TXNRD3: variants seen among roughly 807,000 people sequenced by gnomAD.
TXNRD3 encodes the protein TXNRD3 neighbor gene protein.
A neutral mutation model predicts 78.2 loss-of-function variants in TXNRD3; 68 were observed. The ratio of observed to expected loss-of-function variants is 0.87; its 90% confidence interval spans 0.72 to 1.06. TXNRD3 has a LOEUF of 1.06. TXNRD3 is among the 50% of genes least tolerant of loss of function. The pLI is 0.00. For missense variants in TXNRD3, 751 were observed against 809.5 expected (o/e 0.93, Z 0.88); for synonymous variants, 296 against 300.1 (o/e 0.99, Z 0.14).
intron 14 of TXNRD3, among the ~76,000 whole-genome samples, chr3:126,610,211 C>A (rs1334089681): frequency 2.0e-5 from 3 of 152,176 alleles, no homozygotes; most frequent in African/African-American, 7.2e-5. Context: ...AAGATAAATA[C>A]AGAGATGTGA....
intron 8 of TXNRD3, 52 bp from the exon 9 acceptor site, chr3:126,630,989 G>T: frequency 6.8e-7 from 1 of 1,475,526 alleles, no homozygotes; most frequent in East Asian, 2.5e-5. Context: ...AATGAAATGA[G>T]TTATTCATGT....
rs749154065 is a variant in TXNRD3 at position 126,608,484 on chromosome 3, C to A, written c.1863+15G>T. On this transcript the variant is annotated intron_variant, in intron 15 of 15. Coordinates refer to ENST00000524230, the MANE Select transcript of TXNRD3 (RefSeq NM_052883.3). ...CATCAACTGAAGCCAATTTTTAAAACCTCCTGTTTCCTACCTCCCCACATG... is the reference window on the plus strand; with the variant it reads ...CATCAACTGAAGCCAATTTTTAAAAACTCCTGTTTCCTACCTCCCCACATG... 6.6e-7 allele frequency: 1 copy of A among 1,513,434 alleles called. No homozygotes were observed. The allele number at this position is 1,513,434 out of a possible 1,614,324, so 93.8% of individuals were successfully genotyped here.
At position 126,653,609 on chromosome 3, in the gene TXNRD3, T is replaced by C. The variant is rs371660429; in HGVS notation, c.243+1139A>G. Among the ~76,000 whole-genome samples the C allele has an allele frequency of 1.1e-3, 170 of 152,366 alleles. 1 individual carries two copies. Among genetic ancestry groups the C allele is most frequent in the South Asian group, 3.1e-3 (15 of 4,834 alleles). Reference sequence around the variant, plus strand: ...TGTTCCAAACTAGGAGCAGAGTAAATTGGTATCACTACTTGGAAACTCAGT... The same window carrying C: ...TGTTCCAAACTAGGAGCAGAGTAAACTGGTATCACTACTTGGAAACTCAGT... On this transcript the variant is annotated intron_variant, in intron 1 of 15. Transcript: ENST00000524230.
At chr3:126,634,119 C>T (rs1034527733) in intron 6 of TXNRD3, 68 bp from the exon 7 acceptor site, 34 of 1,322,350 alleles carry the variant, frequency 2.6e-5, no homozygotes, top group Admixed American at 3.1e-5. Context: ...TACATATAAC[C>T]ACACATGAGC....
At chr3:126,608,443 A>C in intron 15 of TXNRD3, 56 bp downstream of exon 15, 1 of 1,463,666 alleles carries the variant, frequency 6.8e-7, no homozygotes. Context: ...GTGCTTTATA[A>C]TAGTTTTTCA....
intron 13 of TXNRD3, among the ~76,000 whole-genome samples, chr3:126,611,486 C>G (rs2107608949): frequency 6.6e-6 from 1 of 152,324 alleles, no homozygotes; most frequent in Non-Finnish European, 1.5e-5. Flanking sequence ...GACGTCAAAG[C>G]TGACCCTGAT....
In TXNRD3 at chr3:126,631,785, T is replaced by A. The variant is rs1938719868; in HGVS notation, c.950A>T (p.Asp317Val). 1.3e-6 allele frequency: 2 copies of A among 1,534,470 alleles called. No homozygotes were observed. Among genetic ancestry groups the A allele is most frequent in the Non-Finnish European group, 1.7e-6 (2 of 1,145,428 alleles). Residue 317 changes from aspartate (D) to valine (V), a missense_variant, in exon 8 of 16, where the codon GAT becomes GTT. Transcript: ENST00000524230. ...TTACCTAGTAATACAGTATTCTTTA[T>A]CTCCTTGGATTCCTAAATACCGTGG...
chr3:126,613,508 C>G (rs1194425854), intron 13 of TXNRD3, among the ~76,000 whole-genome samples: 1 of 152,208 alleles, frequency 6.6e-6, no homozygotes, highest in Non-Finnish European at 1.5e-5. Context: ...AACATTAACT[C>G]AAAATGGATC....
At chr3:126,609,096 G>A (rs1448744702) in intron 14 of TXNRD3, 3 of 404,504 alleles carry the variant, frequency 7.4e-6, no homozygotes, top group South Asian at 5.5e-5. Flanking sequence ...GTCACCCAGG[G>A]CTGTGTGCTG....
chr3:126,643,800 C>A (rs1053304073), intron 5 of TXNRD3, among the ~76,000 whole-genome samples, 181 bp downstream of exon 5: 6 of 152,016 alleles, frequency 3.9e-5, no homozygotes, highest in African/African-American at 1.4e-4. Context: ...AACTTCTGGG[C>A]CTCTCAAAGT....
At chr3:126,635,110 C>T (rs1302016822) in intron 6 of TXNRD3, among the ~76,000 whole-genome samples, 1 of 152,204 alleles carries the variant, frequency 6.6e-6, no homozygotes, top group Admixed American at 6.5e-5. Flanking sequence ...GACCACGTCA[C>T]CACAATGGCA....
chr3:126,633,811 G>C, intron 7 of TXNRD3, 98 bp downstream of exon 7: 1 of 998,626 alleles, frequency 1.0e-6, no homozygotes, highest in Non-Finnish European at 1.4e-6. Flanking sequence ...ACGCACGCCT[G>C]TTACACCCCT....
At chr3:126,636,087 A>G (rs1938854629) in intron 6 of TXNRD3, among the ~76,000 whole-genome samples, 1 of 152,078 alleles carries the variant, frequency 6.6e-6, no homozygotes, top group Non-Finnish European at 1.5e-5. Flanking sequence ...ATGAGCCACC[A>G]TGCCCAGCTT....
chr3:126,640,453 C>G (rs530494135), intron 6 of TXNRD3, among the ~76,000 whole-genome samples: 1 of 152,052 alleles, frequency 6.6e-6, no homozygotes, highest in African/African-American at 2.4e-5. Context: ...ATTTCCCCCC[C>G]AGTCTCTCTT....
intron 12 of TXNRD3, among the ~76,000 whole-genome samples, chr3:126,620,294 C>CAA (rs10539573): frequency 0.04 from 3,951 of 99,408 alleles, 236 homozygotes; most frequent in African/African-American, 0.15. Context: ...GACTCTGTCT[C>CAA]AAAAAAAAAA....
At chr3:126,617,219 C>T (rs540039753) in intron 12 of TXNRD3, among the ~76,000 whole-genome samples, 17 of 152,242 alleles carry the variant, frequency 1.1e-4, no homozygotes, top group South Asian at 6.2e-4. Context: ...GGCTTCTTTC[C>T]GTCTTGAGCC....
chr3:126,613,967 A>G (rs1938254563), intron 13 of TXNRD3, among the ~76,000 whole-genome samples: 1 of 152,226 alleles, frequency 6.6e-6, no homozygotes, highest in Non-Finnish European at 1.5e-5. Context: ...ATAGGAGGTG[A>G]CAGCTCCATG....
At chr3:126,627,132 A>G (rs550297980) in intron 10 of TXNRD3, among the ~76,000 whole-genome samples, 3 of 152,288 alleles carry the variant, frequency 2.0e-5, no homozygotes, top group South Asian at 2.1e-4. Context: ...GAATCTTCAC[A>G]GCAGTTTTAA....
chr3:126,613,534 C>T (rs926625324), intron 13 of TXNRD3, among the ~76,000 whole-genome samples: 7 of 152,244 alleles, frequency 4.6e-5, no homozygotes. Flanking sequence ...TCTAAATACA[C>T]TCACACTTCC....
Sources: gnomAD v4.1 joint callset for allele counts (sites outside exome capture counted in the v4.1 genomes callset) on GRCh38, gnomAD v4.1.1 for gene constraint, MANE v1.5 for transcripts, NCBI Gene and HGNC (gene_info 2026-07-23, HGNC 2026-07-21) for gene names.